The following PTPRD variants were observed in gnomAD, a reference collection of about 807,000 sequenced individuals.
PTPRD encodes protein tyrosine phosphatase receptor type D, also known as receptor-type tyrosine-protein phosphatase delta.
In PTPRD, 34 loss-of-function variants were observed where a neutral mutation model predicts 214.5. The ratio of observed to expected loss-of-function variants is 0.16; its 90% CI spans 0.12 to 0.21. The LOEUF (loss-of-function observed/expected upper bound fraction) is 0.21. Among genes scored for constraint, PTPRD ranks in the 10% least tolerant of loss-of-function variants. The pLI is 1.00. For synonymous variants in PTPRD, 1,128 were observed against 845.7 expected (o/e 1.33, Z -5.79); for missense variants, 2,545 against 2,398.7 (o/e 1.06, Z -1.27).
intron 3 of PTPRD, among the ~76,000 whole-genome samples, chr9:10,163,057 G>A (rs1321475538): frequency 1.3e-5 from 2 of 150,432 alleles, no homozygotes; most frequent in African/African-American, 4.9e-5. Flanking sequence ...ACACAAAGAG[G>A]GGGAAAGAAA....
intron 11 of PTPRD, among the ~76,000 whole-genome samples, chr9:8,817,738 G>A (rs1353335278): frequency 1.3e-5 from 2 of 152,178 alleles, no homozygotes; most frequent in East Asian, 3.8e-4. Context: ...CTGATTATGG[G>A]AGTTGGTAGT....
At chr9:10,245,584 A>G (rs1339114897) in intron 3 of PTPRD, among the ~76,000 whole-genome samples, 2 of 152,198 alleles carry the variant, frequency 1.3e-5, no homozygotes, top group Non-Finnish European at 2.9e-5. Context: ...ACACTTTGAA[A>G]GACAAAGAAG....
chr9:10,042,926 A>G (rs1422498348), intron 3 of PTPRD, among the ~76,000 whole-genome samples: 3 of 151,986 alleles, frequency 2.0e-5, no homozygotes, highest in African/African-American at 7.2e-5. Flanking sequence ...TCCCTATAAC[A>G]TGTAAACAGT....
intron 4 of PTPRD, among the ~76,000 whole-genome samples, chr9:9,976,689 C>CA (rs869096131): frequency 0.044 from 2,809 of 63,248 alleles, 138 homozygotes; most frequent in Admixed American, 0.11. Context: ...ACCCTGCCAC[C>CA]AAAAAAAAAA....
intron 10 of PTPRD, among the ~76,000 whole-genome samples, chr9:9,040,094 G>A (rs577018255): frequency 6.6e-6 from 1 of 152,038 alleles, no homozygotes; most frequent in Non-Finnish European, 1.5e-5. Flanking sequence ...TCTGTGCTAG[G>A]CTCACAGATG....
At chr9:9,905,613 A>G (rs2077376155) in intron 5 of PTPRD, among the ~76,000 whole-genome samples, 1 of 151,078 alleles carries the variant, frequency 6.6e-6, no homozygotes, top group Non-Finnish European at 1.5e-5. Context: ...TATTCTCAGA[A>G]ATTTTTACAA....
intron 11 of PTPRD, among the ~76,000 whole-genome samples, chr9:8,870,116 T>A (rs1050307228): frequency 4.1e-5 from 6 of 146,546 alleles, no homozygotes; most frequent in African/African-American, 1.6e-4. Flanking sequence ...ATATATCTCT[T>A]TCCATCAGTT....
intron 11 of PTPRD, among the ~76,000 whole-genome samples, chr9:8,759,311 C>G (rs367941445): frequency 6.6e-6 from 1 of 152,100 alleles, no homozygotes; most frequent in East Asian, 1.9e-4. Flanking sequence ...CTTGGCTTCC[C>G]AAAGTGCTCA....
intron 9 of PTPRD, among the ~76,000 whole-genome samples, chr9:9,351,156 G>C (rs1412712015): frequency 1.3e-5 from 2 of 151,938 alleles, no homozygotes; most frequent in Non-Finnish European, 2.9e-5. Context: ...TTCTTAGAAG[G>C]GCTGTTAACA....
chr9:9,661,038 C>A (rs928535254), intron 7 of PTPRD, among the ~76,000 whole-genome samples: 5 of 151,864 alleles, frequency 3.3e-5, no homozygotes, highest in African/African-American at 4.8e-5. Flanking sequence ...ACTAATAAAC[C>A]ACCACGTAAC....
At chr9:10,559,300 C>T (rs1286810511) in intron 2 of PTPRD, among the ~76,000 whole-genome samples, 1 of 152,060 alleles carries the variant, frequency 6.6e-6, no homozygotes, top group Non-Finnish European at 1.5e-5. Context: ...CAAATGTATA[C>T]AGACTTGCAA....
intron 5 of PTPRD, among the ~76,000 whole-genome samples, chr9:9,917,452 TAA>T (rs112904497): frequency 2.7e-3 from 347 of 127,624 alleles, no homozygotes; most frequent in African/African-American, 8.6e-3. Context: ...GAAAATTTCC[TAA>T]AAAAAAAAAA....
intron 5 of PTPRD, among the ~76,000 whole-genome samples, chr9:9,905,700 C>G (rs1224217205): frequency 6.6e-6 from 1 of 151,904 alleles, no homozygotes; most frequent in African/African-American, 2.4e-5. Flanking sequence ...TATATTTGCA[C>G]TACTAATACA....
intron 9 of PTPRD, among the ~76,000 whole-genome samples, chr9:9,372,751 T>C (rs1002632826): frequency 4.6e-5 from 7 of 152,262 alleles, no homozygotes; most frequent in Admixed American, 2.6e-4. Flanking sequence ...TGGCTGGTAC[T>C]GGTTGTTCCT....
intron 8 of PTPRD, among the ~76,000 whole-genome samples, chr9:9,454,619 C>A (rs1344770781): frequency 6.6e-6 from 1 of 151,614 alleles, no homozygotes; most frequent in Admixed American, 6.6e-5. Flanking sequence ...AGAAATTTCT[C>A]ACATGCCAAA....
chr9:9,514,309 T>G (rs2096782022), intron 8 of PTPRD, among the ~76,000 whole-genome samples: 1 of 148,720 alleles, frequency 6.7e-6, no homozygotes, highest in African/African-American at 2.4e-5. Flanking sequence ...CATAACTGAG[T>G]TTTTTTGATG....
chr9:10,549,617 T>A (rs564541925), intron 2 of PTPRD, among the ~76,000 whole-genome samples: 11 of 152,226 alleles, frequency 7.2e-5, no homozygotes, highest in African/African-American at 2.2e-4. Context: ...CTGAGGGCCA[T>A]GTCCCTATCC....
At chr9:9,999,891 G>A (rs115555585) in intron 4 of PTPRD, among the ~76,000 whole-genome samples, 67 of 152,292 alleles carry the variant, frequency 4.4e-4, no homozygotes, top group African/African-American at 1.5e-3. Flanking sequence ...GAAGGATCTT[G>A]TTTGGTAAAT....
At chr9:8,661,260 C>G (rs1034983883) in intron 12 of PTPRD, among the ~76,000 whole-genome samples, 18 of 152,024 alleles carry the variant, frequency 1.2e-4, no homozygotes, top group African/African-American at 3.6e-4. Flanking sequence ...AAGGAGAAAT[C>G]GCCTCTTCAT....
Sources: gnomAD v4.1 joint callset for allele counts (sites outside exome capture counted in the v4.1 genomes callset) on GRCh38, gnomAD v4.1.1 for gene constraint, MANE v1.5 for transcripts, NCBI Gene and HGNC (gene_info 2026-07-23, HGNC 2026-07-21) for gene names.